The following DYM variants were observed in gnomAD, a reference collection of about 807,000 sequenced individuals.
The protein encoded by DYM is dyggve-Melchior-Clausen syndrome protein.
In DYM, 78 loss-of-function variants were observed where a neutral mutation model predicts 93.1. The observed-to-expected ratio is 0.84, with a 90% CI of 0.70 to 1.01. DYM has a LOEUF of 1.01. Ranked by LOEUF, DYM falls within the 50% of genes least tolerant of loss-of-function variation. The pLI is 0.00. For missense variants in DYM, 789 were observed against 845.0 expected, an observed-to-expected ratio of 0.93 and a Z score of 0.82; for synonymous variants, 321 against 319.7, an observed-to-expected ratio of 1.00 and a Z score of -0.04.
At chr18:49,202,299 A>C (rs145885864) in intron 14 of DYM, among the ~76,000 whole-genome samples, 2,101 of 152,332 alleles carry the variant, frequency 0.014, 27 homozygotes, top group Non-Finnish European at 0.023. Context: ...AACACAACAG[A>C]AAAGAACTCT....
chr18:49,423,451 T>C lies in DYM; in HGVS notation c.140+6804A>G, dbSNP rs1353430615. ...CCCACAAGAGAAAGCAGGAAAGATC[T>C]AAAATTGACAACCTAATGTCACAAT... On this transcript the variant is annotated intron_variant, in intron 2 of 17. Transcript: ENST00000675505. 4.5e-4 allele frequency among the ~76,000 whole-genome samples: 69 copies of C among 152,164 alleles called. 2 individuals are homozygous for C. Among genetic ancestry groups the C allele is most frequent in the Non-Finnish European group, 1.3e-4 (9 of 68,022 alleles).
At chr18:49,267,216 GA>G (rs2094585086) in intron 11 of DYM, among the ~76,000 whole-genome samples, 1 of 150,530 alleles carries the variant, frequency 6.6e-6, no homozygotes, top group Non-Finnish European at 1.5e-5. Context: ...AAAAAAAGAA[GA>G]GGTAATAAGA....
chr18:49,144,243 C>T (rs1231150956), intron 15 of DYM, among the ~76,000 whole-genome samples: 2 of 151,164 alleles, frequency 1.3e-5, no homozygotes, highest in South Asian at 2.1e-4. Context: ...TTTAATTTTT[C>T]TCTGTTCTGG....
chr18:49,454,279 A>C (rs2082779754), intron 1 of DYM, among the ~76,000 whole-genome samples: 1 of 152,200 alleles, frequency 6.6e-6, no homozygotes, highest in Non-Finnish European at 1.5e-5. Flanking sequence ...AGGGCATGGG[A>C]GTCCTCAGTA....
chr18:49,303,477 T>C (rs2061074527), intron 8 of DYM, among the ~76,000 whole-genome samples: 1 of 152,206 alleles, frequency 6.6e-6, no homozygotes, highest in Non-Finnish European at 1.5e-5. Flanking sequence ...GAAGGCTGCC[T>C]ATGACCTGGA....
chr18:49,285,481 T>A (rs1344591832), intron 9 of DYM, among the ~76,000 whole-genome samples: 2 of 152,224 alleles, frequency 1.3e-5, no homozygotes, highest in African/African-American at 4.8e-5. Context: ...TCCATGTGAT[T>A]ATAATACCAC....
intron 8 of DYM, among the ~76,000 whole-genome samples, chr18:49,311,903 G>A (rs1219268974): frequency 1.3e-5 from 2 of 151,728 alleles, no homozygotes; most frequent in Admixed American, 6.6e-5. Flanking sequence ...GAATTCACAT[G>A]AGAGATGATG....
At chr18:49,416,749 C>A (rs1389796634) in intron 2 of DYM, among the ~76,000 whole-genome samples, 3 of 152,074 alleles carry the variant, frequency 2.0e-5, no homozygotes, top group African/African-American at 7.2e-5. Context: ...CACCTACTCA[C>A]CCTACTTAAA....
At chr18:49,384,993 G>GA (rs966052269) in intron 3 of DYM, among the ~76,000 whole-genome samples, 3 of 148,830 alleles carry the variant, frequency 2.0e-5, no homozygotes, top group Non-Finnish European at 3.0e-5. Flanking sequence ...CAAATTATAG[G>GA]AAAAACCATA....
intron 16 of DYM, among the ~76,000 whole-genome samples, chr18:49,116,892 A>G (rs2081969211): frequency 6.6e-6 from 1 of 152,228 alleles, no homozygotes; most frequent in Non-Finnish European, 1.5e-5. Context: ...ACACTTCTCA[A>G]TTTTAAAGAG....
intron 15 of DYM, among the ~76,000 whole-genome samples, chr18:49,137,900 C>G (rs2084026360): frequency 1.3e-5 from 2 of 152,132 alleles, no homozygotes; most frequent in Non-Finnish European, 2.9e-5. Flanking sequence ...AAATCTCTGC[C>G]ACATTTCATC....
chr18:49,157,527 C>T (rs1037735698), intron 15 of DYM, among the ~76,000 whole-genome samples: 1 of 152,132 alleles, frequency 6.6e-6, no homozygotes, highest in African/African-American at 2.4e-5. Flanking sequence ...GTAATTGAGG[C>T]CCAGTGAGGC....
At chr18:49,242,406 C>T (rs1228138478) in intron 13 of DYM, among the ~76,000 whole-genome samples, 1 of 151,924 alleles carries the variant, frequency 6.6e-6, no homozygotes, top group Non-Finnish European at 1.5e-5. Flanking sequence ...AGTAAGACTC[C>T]GTCTCAAAAA....
At chr18:49,172,662 A>G (rs1053397602) in intron 14 of DYM, among the ~76,000 whole-genome samples, 4 of 152,160 alleles carry the variant, frequency 2.6e-5, no homozygotes, top group African/African-American at 9.6e-5. Context: ...TTTATCAGGT[A>G]TAAGTTTTGT....
chr18:49,207,601 A>T (rs1251975321), intron 14 of DYM, among the ~76,000 whole-genome samples: 1 of 152,212 alleles, frequency 6.6e-6, no homozygotes, highest in Non-Finnish European at 1.5e-5. Flanking sequence ...AGCTATTATA[A>T]AGACTGAGGT....
At chr18:49,435,692 C>T (rs983858763) in intron 1 of DYM, among the ~76,000 whole-genome samples, 32 of 151,876 alleles carry the variant, frequency 2.1e-4, no homozygotes, top group African/African-American at 6.8e-4. Context: ...AGGAGATTGA[C>T]GCAGGAAAAT....
chr18:49,441,901 C>T (rs1443622030), intron 1 of DYM, among the ~76,000 whole-genome samples: 1 of 151,968 alleles, frequency 6.6e-6, no homozygotes, highest in Non-Finnish European at 1.5e-5. Flanking sequence ...CTAGAGAGAC[C>T]AATGCCAAGG....
chr18:49,407,636 C>T (rs922345938), intron 2 of DYM, among the ~76,000 whole-genome samples: 2 of 152,160 alleles, frequency 1.3e-5, no homozygotes, highest in African/African-American at 2.4e-5. Context: ...CAGGGGATGG[C>T]GCTAGCCATT....
At chr18:49,280,464 C>T (rs1285944008) in intron 10 of DYM, among the ~76,000 whole-genome samples, 2 of 152,136 alleles carry the variant, frequency 1.3e-5, no homozygotes, top group African/African-American at 2.4e-5. Context: ...TGACGAGTAA[C>T]ATGAACTTGG....
Sources: allele counts gnomAD v4.1 joint callset (sites outside exome capture counted in the v4.1 genomes callset), GRCh38; gene constraint gnomAD v4.1.1; transcripts MANE v1.5; gene names NCBI Gene and HGNC (gene_info 2026-07-23, HGNC 2026-07-21).